UBE3D: variants seen among roughly 807,000 people sequenced by gnomAD.
The protein encoded by UBE3D is E3 ubiquitin-protein ligase E3D.
A neutral mutation model predicts 49.6 loss-of-function variants in UBE3D; 48 were observed. The ratio of observed to expected loss-of-function variants is 0.97; its 90% CI spans 0.77 to 1.23. UBE3D has a LOEUF of 1.23. UBE3D is among the 50% of genes most tolerant of loss of function. The pLI, the probability that UBE3D is intolerant of heterozygous loss-of-function variation, is 0.00. For missense variants in UBE3D, 452 were observed against 468.4 expected, an observed-to-expected ratio of 0.96 and a Z score of 0.32; for synonymous variants, 189 against 174.2, an observed-to-expected ratio of 1.08 and a Z score of -0.67.
chr6:83,046,485 T>G (rs1428080741), intron 3 of UBE3D, among the ~76,000 whole-genome samples: 3 of 152,178 alleles, frequency 2.0e-5, no homozygotes, highest in Non-Finnish European at 4.4e-5. Flanking sequence ...AGTGATTCTT[T>G]CAACGTACAT....
At chr6:83,048,677 C>A (rs908538531) in intron 3 of UBE3D, among the ~76,000 whole-genome samples, 1 of 152,096 alleles carries the variant, frequency 6.6e-6, no homozygotes, top group Non-Finnish European at 1.5e-5. Context: ...ACAGCAGGAG[C>A]AAGAAAGTGC....
intron 9 of UBE3D, among the ~76,000 whole-genome samples, chr6:82,907,213 G>A (rs1430990011): frequency 2.0e-5 from 3 of 152,150 alleles, no homozygotes; most frequent in African/African-American, 7.2e-5. Context: ...CAAAACTGTG[G>A]AAGGATGAGG....
At chr6:82,911,219 A>AAAAAC (rs1772494996) in intron 9 of UBE3D, among the ~76,000 whole-genome samples, 1 of 149,670 alleles carries the variant, frequency 6.7e-6, no homozygotes, top group African/African-American at 2.5e-5. Context: ...AAAAAAAAAA[A>AAAAAC]AAAACTCAGG....
rs558001748 is a variant in UBE3D, at chr6:82,978,933, G to C, written c.1011-21483C>G. On this transcript the variant is annotated intron_variant, in intron 8 of 9. Coordinates refer to ENST00000369747, the MANE Select transcript of UBE3D (RefSeq NM_198920.3). ...CCATTTTGATTCTACTCTGAAGAAT[G>C]AAAGTCTATGCAGGAAAGTTCCAAC... Among the ~76,000 whole-genome samples, 4 of 152,178 alleles carry C rather than the reference G, an allele frequency of 2.6e-5. No individual in the cohort carries two copies. The South Asian group carries it at 8.3e-4, about 32-fold the overall frequency.
chr6:82,988,567 G>A (rs1200253747), intron 8 of UBE3D, among the ~76,000 whole-genome samples: 1 of 152,080 alleles, frequency 6.6e-6, no homozygotes, highest in Non-Finnish European at 1.5e-5. Context: ...TGCTCTTCCT[G>A]CTGAGGACAT....
At chr6:82,959,008 A>G (rs1370723718) in intron 8 of UBE3D, among the ~76,000 whole-genome samples, 1 of 152,020 alleles carries the variant, frequency 6.6e-6, no homozygotes, top group African/African-American at 2.4e-5. Context: ...GATAAGGTAA[A>G]TATGTTTATT....
At chr6:82,985,008 C>CTTTTTTTTTTTTTT (rs70987727) in intron 8 of UBE3D, among the ~76,000 whole-genome samples, 38 of 52,982 alleles carry the variant, frequency 7.2e-4, no homozygotes, top group Non-Finnish European at 9.9e-4. Flanking sequence ...TCTTCTTCTT[C>CTTTTTTTTTTTTTT]TTTTTTTTTT....
intron 8 of UBE3D, among the ~76,000 whole-genome samples, chr6:82,998,214 T>G (rs1779380133): frequency 6.6e-6 from 1 of 152,198 alleles, no homozygotes; most frequent in African/African-American, 2.4e-5. Flanking sequence ...TATTTTGCTT[T>G]GCAATAGAGG....
At chr6:83,046,649 C>T (rs1192295834) in intron 3 of UBE3D, among the ~76,000 whole-genome samples, 6 of 100,604 alleles carry the variant, frequency 6.0e-5, no homozygotes, top group Non-Finnish European at 7.2e-5. Flanking sequence ...AACAGAGTAA[C>T]GGTTCTAAAT....
In UBE3D at chr6:83,019,970, G is replaced by A. The variant is rs113506651; in HGVS notation, c.847-834C>T. ...CTAAAGAGGAAGTCTGTGGAGAAGC[G>A]GGCAGCTGTGAGCCATTATCAGCCA... On this transcript the variant is annotated intron_variant, in intron 7 of 9. Transcript: ENST00000369747. Among the ~76,000 whole-genome samples, 1,465 of 152,284 alleles carry A rather than the reference G, an allele frequency of 9.6e-3. 22 individuals carry two copies. Among genetic ancestry groups the A allele is most frequent in the African/African-American group, 0.033 (1,390 of 41,542 alleles).
chr6:82,997,087 A>G (rs141151803), intron 8 of UBE3D, among the ~76,000 whole-genome samples: 1,828 of 152,310 alleles, frequency 0.012, 17 homozygotes, highest in Admixed American at 0.018. Context: ...CTTCTAAATT[A>G]CTTCTAAATT....
rs1781174695 is a variant in UBE3D, at chr6:83,022,524, C to A, written c.775G>T (p.Val259Leu). The A allele has an allele frequency of 6.2e-7, 1 of 1,605,340 alleles. No homozygotes were observed. Among genetic ancestry groups the A allele is most frequent in the Non-Finnish European group, 8.5e-7 (1 of 1,176,684 alleles). ...FVQSVIAQCL[V>L]QLSSARSTFR... ...GTGCTTCTAGCAGAGGAGAGCTGCA[C>A]CAGACACTGGGCGATCACGCTCTGG... Residue 259 changes from valine to leucine, a missense_variant, in exon 7 of 10, where the codon GTG becomes TTG. Transcript: ENST00000369747.
chr6:83,022,321 C>G (rs1351635169), intron 7 of UBE3D, 132 bp downstream of exon 7: 2 of 622,508 alleles, frequency 3.2e-6, no homozygotes, highest in Non-Finnish European at 5.1e-6. Flanking sequence ...GCCACCGTGC[C>G]CAGCCTGATA....
intron 9 of UBE3D, among the ~76,000 whole-genome samples, chr6:82,919,629 A>G (rs1287366885): frequency 6.6e-6 from 1 of 151,822 alleles, no homozygotes; most frequent in Non-Finnish European, 1.5e-5. Flanking sequence ...AAATAATAAT[A>G]ATAAAAAAAG....
At chr6:82,897,526 G>C (rs1259746752) in intron 9 of UBE3D, among the ~76,000 whole-genome samples, 2 of 152,158 alleles carry the variant, frequency 1.3e-5, no homozygotes, top group African/African-American at 4.8e-5. Flanking sequence ...AGGAGGCAGA[G>C]GTTGCAGTGA....
At chr6:82,881,730 A>G in the UBE3D span, among the ~76,000 whole-genome samples, 2 of 152,170 alleles carry the variant, frequency 1.3e-5, no homozygotes, top group African/African-American at 4.8e-5. Context: ...TGTGATTAAC[A>G]GTTCATGCGG....
intron 9 of UBE3D, among the ~76,000 whole-genome samples, chr6:82,925,661 T>C (rs1245850044): frequency 6.6e-6 from 1 of 152,166 alleles, no homozygotes; most frequent in Non-Finnish European, 1.5e-5. Context: ...GCTCTGTTCT[T>C]GGCTGCATGC....
At chr6:82,953,340 CTCTT>C (rs1243775271) in intron 9 of UBE3D, among the ~76,000 whole-genome samples, 2 of 152,362 alleles carry the variant, frequency 1.3e-5, no homozygotes, top group South Asian at 2.1e-4. Context: ...ATCCTGCCAG[CTCTT>C]TCTAAGGGCT....
chr6:82,911,223 A>AC (rs35944152), intron 9 of UBE3D, among the ~76,000 whole-genome samples: 1 of 149,358 alleles, frequency 6.7e-6, no homozygotes, highest in Non-Finnish European at 1.5e-5. Context: ...AAAAAAAAAA[A>AC]CTCAGGGGGG....
Sources: allele counts gnomAD v4.1 joint callset (sites outside exome capture counted in the v4.1 genomes callset), GRCh38; gene constraint gnomAD v4.1.1; transcripts MANE v1.5; gene names NCBI Gene and HGNC (gene_info 2026-07-23, HGNC 2026-07-21).